GTF3C1: variants seen among roughly 807,000 people sequenced by gnomAD.
GTF3C1 encodes general transcription factor IIIC subunit 1.
Under a neutral mutation model 226.7 loss-of-function variants are expected in GTF3C1, and 57 were observed. That is an observed-to-expected ratio of 0.25 (90% confidence interval 0.20 to 0.31). The LOEUF (loss-of-function observed/expected upper bound fraction) is 0.31. GTF3C1 is among the 10% of genes least tolerant of loss of function. The pLI, the probability that GTF3C1 is intolerant of heterozygous loss-of-function variation, is 1.00. For missense variants in GTF3C1, 2,217 were observed against 2,776.1 expected, an observed-to-expected ratio of 0.80 and a Z score of 4.53; for synonymous variants, 1,090 against 1,084.8, an observed-to-expected ratio of 1.00 and a Z score of -0.09.
Position 27,495,218 on chromosome 16 carries a change from C to G in GTF3C1, c.2625G>C (p.Thr875=). Reference sequence around the variant, plus strand: ...GTGGCAGGGGCCTCTCACCTGTCTCCGTGGCAAGCTCCACTTCAGCCTCCC... The same window carrying G: ...GTGGCAGGGGCCTCTCACCTGTCTCGGTGGCAAGCTCCACTTCAGCCTCCC... ...VTWEAEVELA[T]ETVYVDDASW... is the part of the protein sequence containing the mutation. Residue 875 remains threonine, a synonymous_variant, in exon 15 of 37, where the codon ACG becomes ACC. Transcript: ENST00000356183. 1.2e-6 allele frequency: 2 copies of G among 1,609,622 alleles called. No individual in the cohort carries two copies. Among genetic ancestry groups the G allele is most frequent in the Non-Finnish European group, 1.7e-6 (2 of 1,177,326 alleles).
chr16:27,482,390 C>T, intron 26 of GTF3C1: 3 of 437,924 alleles, frequency 6.9e-6, no homozygotes, highest in South Asian at 4.8e-5. Flanking sequence ...TTTTCTGTCA[C>T]TTCCATCCAA....
chr16:27,548,610 A>G (rs1184950091), intron 1 of GTF3C1, among the ~76,000 whole-genome samples: 1 of 152,138 alleles, frequency 6.6e-6, no homozygotes, highest in Non-Finnish European at 1.5e-5. Context: ...GACCCTCACA[A>G]TATGGCTTAA....
intron 6 of GTF3C1, among the ~76,000 whole-genome samples, chr16:27,518,291 C>A (rs1007996393): frequency 3.3e-5 from 5 of 152,134 alleles, no homozygotes; most frequent in Non-Finnish European, 7.4e-5. Context: ...CACCCCAGGG[C>A]AATGGTGGTA....
chr16:27,498,403 G>A lies in GTF3C1; in HGVS notation c.2165+227C>T, dbSNP rs541486327. Among the ~76,000 whole-genome samples the A allele has an allele frequency of 3.3e-5, 5 of 152,304 alleles. 1 individual carries two copies. In the South Asian group the frequency reaches 1.0e-3, roughly 32 times the overall value. ...AGAGGCCTATGATGGGGAGTGCTCT[G>A]TCCACACTCTATCAGACAGAATAAA... On this transcript the variant is annotated intron_variant, in intron 13 of 36. Transcript: ENST00000356183.
intron 6 of GTF3C1, among the ~76,000 whole-genome samples, chr16:27,520,976 GC>G (rs1274079754): frequency 1.3e-5 from 2 of 152,214 alleles, no homozygotes; most frequent in Non-Finnish European, 2.9e-5. Context: ...ACCTGGGCCT[GC>G]CAAAGTGTTG....
At position 27,538,167 on chromosome 16, in the gene GTF3C1, TC is replaced by T. The variant is rs1404103538; in HGVS notation, c.608+12del. 5 of 1,521,444 alleles carry T rather than the reference TC, an allele frequency of 3.3e-6. No individual in the cohort carries two copies. Among genetic ancestry groups the T allele is most frequent in the African/African-American group, 2.8e-5 (2 of 71,642 alleles). 94.2% of individuals were successfully genotyped at this position (1,521,444 alleles called of 1,614,324 possible). A position where few individuals can be genotyped will look rare whatever the true frequency, so the allele number is the denominator to read the frequency against. Reference sequence around the variant, plus strand: ...ATATAATTTAAAGCAGAGAAGCAAATCCCCCCACTTACTTGAAAGCAGTGGT... The same window carrying T: ...ATATAATTTAAAGCAGAGAAGCAAATCCCCCACTTACTTGAAAGCAGTGGT... On this transcript the variant is annotated intron_variant, in intron 3 of 36. Coordinates refer to ENST00000356183, the MANE Select transcript of GTF3C1 (RefSeq NM_001520.4).
At chr16:27,527,650 C>T (rs566634646) in intron 6 of GTF3C1, among the ~76,000 whole-genome samples, 13 of 152,270 alleles carry the variant, frequency 8.5e-5, no homozygotes, top group African/African-American at 2.9e-4. Flanking sequence ...ACCAACCTTA[C>T]AGGGCTAGAT....
At position 27,506,833 on chromosome 16, in the gene GTF3C1, C is replaced by A. The variant is rs765011621; in HGVS notation, c.1552+14G>T. 2 of 1,586,678 alleles carry A rather than the reference C, an allele frequency of 1.3e-6. No individual in the cohort carries two copies. Among genetic ancestry groups the A allele is most frequent in the Non-Finnish European group, 1.7e-6 (2 of 1,165,202 alleles). On this transcript the variant is annotated intron_variant, in intron 9 of 36. Transcript: ENST00000356183. ...CAGTGCACGCAGCCCCTGCCCACCC[C>A]ACGTGCTCCCTACCCTTGGTTGGGG...
chr16:27,464,417 T>C lies in GTF3C1; in HGVS notation c.5775A>G (p.Ala1925=). ...ALEDTAAAGA[A]QEDQEGVGEF... is the part of the protein sequence containing the mutation. ...CACCGACACCCTCTTGGTCTTCCTGTGCTGCTCCCGCTGCAGCGGTGTCTT... is the reference window on the plus strand; with the variant it reads ...CACCGACACCCTCTTGGTCTTCCTGCGCTGCTCCCGCTGCAGCGGTGTCTT... The change falls in exon 34 of 37, where the codon GCA becomes GCG. Residue 1925 remains alanine, a synonymous_variant. Coordinates refer to ENST00000356183, the MANE Select transcript of GTF3C1 (RefSeq NM_001520.4). 6.2e-7 allele frequency: 1 copy of C among 1,603,896 alleles called. No homozygotes were observed. The highest frequency in any genetic ancestry group is 8.5e-7 in the Non-Finnish European group (1 of 1,175,102).
intron 19 of GTF3C1, among the ~76,000 whole-genome samples, chr16:27,490,368 A>G (rs952412999): frequency 3.3e-5 from 5 of 152,224 alleles, no homozygotes; most frequent in African/African-American, 1.2e-4. Context: ...TAGGTGAGGG[A>G]AGGTTTGCAG....
At chr16:27,522,684 G>A (rs553959575) in intron 6 of GTF3C1, among the ~76,000 whole-genome samples, 57 of 152,334 alleles carry the variant, frequency 3.7e-4, no homozygotes, top group African/African-American at 1.2e-3. Context: ...CAGTAGATTC[G>A]TCTGGGGAGT....
In GTF3C1 at chr16:27,470,940, C is replaced by T. The variant is rs1447329709; in HGVS notation, c.4527-545G>A. ...CTCGGTTCAGATGGGGACATGCGGT[C>T]AGAGCAGTGTCTCCGTGACAAATGG... On this transcript the variant is annotated intron_variant, in intron 30 of 36. Transcript: ENST00000356183. The surrounding 1 kb of genome is among the most constrained non-coding windows in gnomAD (Gnocchi z 4.9). Among the ~76,000 whole-genome samples the T allele has an allele frequency of 1.3e-5, 2 of 152,354 alleles. No individual in the cohort carries two copies. Among genetic ancestry groups the T allele is most frequent in the East Asian group, 1.9e-4 (1 of 5,184 alleles).
intron 2 of GTF3C1, among the ~76,000 whole-genome samples, chr16:27,542,150 C>T (rs544223267): frequency 1.8e-4 from 27 of 152,172 alleles, no homozygotes; most frequent in Non-Finnish European, 2.9e-5. Flanking sequence ...AAGAGTCCCA[C>T]GTTTATGGCT....
At position 27,469,514 on chromosome 16, in the gene GTF3C1, ATCC is replaced by A. The variant is rs778746443; in HGVS notation, c.4848_4850del (p.Glu1616del). ...CACCTTCGTCCAAGTCATCCTCTTC[ATCC>A]TCGTCATCCTCCAGGCTGCCGTCCT... On this transcript the variant is annotated inframe_deletion, in exon 32 of 37. Coordinates refer to ENST00000356183, the MANE Select transcript of GTF3C1 (RefSeq NM_001520.4). The surrounding 1 kb of genome is among the most constrained non-coding windows in gnomAD (Gnocchi z 4.5). 1 of 1,612,972 alleles carries A rather than the reference ATCC, an allele frequency of 6.2e-7. No individual in the cohort carries two copies. The highest frequency in any genetic ancestry group is 1.7e-5 in the Admixed American group (1 of 60,000).
chr16:27,464,285 G>T, intron 34 of GTF3C1, 35 bp downstream of exon 34: 1 of 1,382,230 alleles, frequency 7.2e-7, no homozygotes, highest in Non-Finnish European at 9.5e-7. Flanking sequence ...AGCCAGGGTG[G>T]GGTGAGGTGG....
At chr16:27,481,016 C>T in intron 27 of GTF3C1, 63 bp downstream of exon 27, 1 of 1,359,192 alleles carries the variant, frequency 7.4e-7, no homozygotes, top group Non-Finnish European at 1.1e-6. Flanking sequence ...ATAAGGGAGA[C>T]AGGGCTGGCC....
rs748205336 is a variant in GTF3C1, at chr16:27,492,003, C to T, written c.3151+335G>A. Among the ~76,000 whole-genome samples, 53 of 152,186 alleles carry T rather than the reference C, an allele frequency of 3.5e-4. No homozygotes were observed. The highest frequency in any genetic ancestry group is 6.0e-4 in the Non-Finnish European group (41 of 68,042). Reference sequence around the variant, plus strand: ...TCTTCACACTAGATTTTGAGTCTCACGAAGGCAGGGCGGGCTGTGTTCTCA... The same window carrying T: ...TCTTCACACTAGATTTTGAGTCTCATGAAGGCAGGGCGGGCTGTGTTCTCA... On this transcript the variant is annotated intron_variant, in intron 19 of 36. Coordinates refer to ENST00000356183, the MANE Select transcript of GTF3C1 (RefSeq NM_001520.4). This position sits in a 1 kb window ranked among gnomAD's most constrained non-coding sequence, Gnocchi z 5.0.
intron 6 of GTF3C1, among the ~76,000 whole-genome samples, chr16:27,518,128 C>T (rs972627358): frequency 6.6e-6 from 1 of 152,196 alleles, no homozygotes; most frequent in Non-Finnish European, 1.5e-5. Flanking sequence ...GAAAGTCCTA[C>T]TGGTAAGCCA....
chr16:27,484,349 T>C lies in GTF3C1; in HGVS notation c.3863A>G (p.Lys1288Arg), dbSNP rs1187624984. 3 of 1,596,090 alleles carry C rather than the reference T, an allele frequency of 1.9e-6. No homozygotes were observed. The highest frequency in any genetic ancestry group is 2.6e-6 in the Non-Finnish European group (3 of 1,163,914). Residue 1288 changes from lysine (K) to arginine (R), a missense_variant, in exon 25 of 37, where the codon AAG (lysine) becomes AGG (arginine). Lys to Arg is a conservative substitution (Grantham distance 26). Transcript: ENST00000356183. ...IASNVLNTKV[K>R]GPFVTWQVVR... ...CACCTGCCAGGTGACAAATGGGCCC[T>C]TCACCTGGATCAAACACAGAGCCAA... is the stretch of plus-strand genomic sequence containing the variant.
Sources: allele counts gnomAD v4.1 joint callset (sites outside exome capture counted in the v4.1 genomes callset), GRCh38; gene constraint gnomAD v4.1.1; non-coding constraint Gnocchi (gnomAD v3.1); transcripts MANE v1.5; gene names NCBI Gene and HGNC (gene_info 2026-07-23, HGNC 2026-07-21).